Variants in SCAPER observed in about 807,000 individuals in gnomAD.
SCAPER encodes the protein S-phase cyclin A associated protein in the ER.
In SCAPER, 98 loss-of-function variants were observed where a neutral mutation model predicts 182.2. That is an observed-to-expected ratio of 0.54 (90% confidence interval 0.46 to 0.64). The LOEUF (loss-of-function observed/expected upper bound fraction) is 0.64, where lower values mean the gene tolerates loss of function less well. Ranked by LOEUF, SCAPER falls within the 30% of genes least tolerant of loss-of-function variation. SCAPER has a pLI of 0.00. For synonymous variants in SCAPER, 605 were observed against 564.6 expected, an observed-to-expected ratio of 1.07 and a Z score of -1.01; for missense variants, 1,432 against 1,690.0, an observed-to-expected ratio of 0.85 and a Z score of 2.68.
chr15:76,363,221 A>T (rs1481899114), intron 29 of SCAPER, among the ~76,000 whole-genome samples: 1 of 152,248 alleles, frequency 6.6e-6, no homozygotes, highest in Non-Finnish European at 1.5e-5. Context: ...AGTATTTGGC[A>T]TAGTGTCTAA....
At chr15:76,624,114 C>T (rs1222897619) in intron 21 of SCAPER, among the ~76,000 whole-genome samples, 3 of 152,200 alleles carry the variant, frequency 2.0e-5, no homozygotes, top group Admixed American at 2.0e-4. Context: ...TATCTCTCTT[C>T]ACTGACAATA....
intron 23 of SCAPER, among the ~76,000 whole-genome samples, chr15:76,572,912 CTCTCT>C (rs2047537768): frequency 2.6e-5 from 1 of 39,106 alleles, no homozygotes; most frequent in African/African-American, 4.4e-5. Context: ...CTCTCTCTCT[CTCTCT>C]CTCACACACA....
At chr15:76,793,104 T>G in intron 8 of SCAPER, 1 of 574,960 alleles carries the variant, frequency 1.7e-6, no homozygotes, top group Non-Finnish European at 2.9e-6. Flanking sequence ...TTTAGCTGGG[T>G]TTGGGGAAGA....
chr15:76,447,302 A>C (rs999801244), intron 25 of SCAPER, among the ~76,000 whole-genome samples: 1 of 152,188 alleles, frequency 6.6e-6, no homozygotes, highest in Non-Finnish European at 1.5e-5. Context: ...CTTTGTGATA[A>C]ACTGGTAAAT....
At chr15:76,798,961 G>A (rs1235893913) in intron 7 of SCAPER, among the ~76,000 whole-genome samples, 1 of 152,028 alleles carries the variant, frequency 6.6e-6, no homozygotes, top group East Asian at 1.9e-4. Context: ...TCCAGTAAAG[G>A]ACTAGAAAAG....
intron 7 of SCAPER, 90 bp from the exon 8 acceptor site, chr15:76,795,530 C>G: frequency 1.0e-6 from 1 of 953,198 alleles, no homozygotes; most frequent in Non-Finnish European, 1.5e-6. Flanking sequence ...TTAAATTATG[C>G]ATATGAATAT....
chr15:76,753,501 G>T (rs1433017910), intron 15 of SCAPER, among the ~76,000 whole-genome samples: 2 of 151,870 alleles, frequency 1.3e-5, no homozygotes, highest in African/African-American at 2.4e-5. Flanking sequence ...TGTGTATTAT[G>T]TTCATTGTAC....
At chr15:76,822,986 C>T (rs905119226) in intron 5 of SCAPER, among the ~76,000 whole-genome samples, 4 of 152,192 alleles carry the variant, frequency 2.6e-5, no homozygotes. Context: ...TCTCACCTTA[C>T]TATAAAGATA....
At chr15:76,765,287 G>A (rs2063041817) in intron 13 of SCAPER, 50 bp downstream of exon 13, 1 of 1,409,642 alleles carries the variant, frequency 7.1e-7, no homozygotes, top group East Asian at 2.3e-5. Flanking sequence ...GTCAAGAGTG[G>A]CTAGTTTCCT....
At chr15:76,886,785 T>A (rs147503611) in intron 1 of SCAPER, among the ~76,000 whole-genome samples, 1 of 152,324 alleles carries the variant, frequency 6.6e-6, no homozygotes, top group Non-Finnish European at 1.5e-5. Flanking sequence ...ATAAAGAAAG[T>A]GTGGTACATA....
intron 15 of SCAPER, among the ~76,000 whole-genome samples, chr15:76,744,615 T>C (rs1349266943): frequency 6.6e-6 from 1 of 152,046 alleles, no homozygotes; most frequent in Non-Finnish European, 1.5e-5. Context: ...TGGCTATTAT[T>C]AAAAAGTTAA....
At chr15:76,807,453 T>C (rs2066251956) in intron 5 of SCAPER, among the ~76,000 whole-genome samples, 1 of 152,218 alleles carries the variant, frequency 6.6e-6, no homozygotes, top group South Asian at 2.1e-4. Flanking sequence ...GGTTTGCTAT[T>C]ACTCTGTTGA....
At chr15:76,574,113 G>C in intron 23 of SCAPER, 45 bp downstream of exon 23, 2 of 1,559,972 alleles carry the variant, frequency 1.3e-6, no homozygotes, top group East Asian at 2.3e-5. Context: ...TAGTGAGAAA[G>C]GATCACAAAG....
chr15:76,660,835 C>A (rs1177407364), intron 21 of SCAPER, among the ~76,000 whole-genome samples: 1 of 151,098 alleles, frequency 6.6e-6, no homozygotes, highest in East Asian at 1.9e-4. Flanking sequence ...ATAAATTTAC[C>A]AAAAAAACTA....
At chr15:76,450,295 C>T (rs754655259) in intron 25 of SCAPER, among the ~76,000 whole-genome samples, 5 of 152,152 alleles carry the variant, frequency 3.3e-5, no homozygotes, top group Non-Finnish European at 5.9e-5. Flanking sequence ...TGATGTTATA[C>T]ATATCAAGAC....
intron 17 of SCAPER, among the ~76,000 whole-genome samples, chr15:76,709,957 A>G (rs2059474674): frequency 6.6e-6 from 1 of 152,236 alleles, no homozygotes. Context: ...CACCAAATTC[A>G]AAGTCCATTC....
chr15:76,425,924 A>G (rs1198252257), intron 26 of SCAPER, among the ~76,000 whole-genome samples: 4 of 152,364 alleles, frequency 2.6e-5, no homozygotes, highest in African/African-American at 9.6e-5. Context: ...GCTGCAGAAC[A>G]GCGAATATTG....
chr15:76,547,298 T>C (rs939604750), intron 23 of SCAPER, among the ~76,000 whole-genome samples: 2 of 152,198 alleles, frequency 1.3e-5, no homozygotes, highest in Non-Finnish European at 2.9e-5. Flanking sequence ...TGAGCACCTA[T>C]TGAAATATTT....
chr15:76,446,364 T>C (rs777134107), intron 25 of SCAPER, among the ~76,000 whole-genome samples: 15 of 152,216 alleles, frequency 9.9e-5, no homozygotes, highest in Non-Finnish European at 1.6e-4. Context: ...CAAGTGATCA[T>C]GATTAGATAA....
Sources: gnomAD v4.1 joint callset for allele counts (sites outside exome capture counted in the v4.1 genomes callset) on GRCh38, gnomAD v4.1.1 for gene constraint, MANE v1.5 for transcripts, NCBI Gene and HGNC (gene_info 2026-07-23, HGNC 2026-07-21) for gene names.